Variants in CCDC102B observed in about 807,000 individuals in gnomAD.
CCDC102B encodes coiled-coil domain-containing protein 102B.
CCDC102B carries 75 observed loss-of-function variants against 57.4 expected under a neutral mutation model. The observed-to-expected ratio is 1.31, with a 90% CI of 1.08 to 1.58. CCDC102B has a LOEUF of 1.58. CCDC102B is among the 40% of genes most tolerant of loss of function. CCDC102B has a pLI of 0.00. For missense variants in CCDC102B, 636 were observed against 582.6 expected, an observed-to-expected ratio of 1.09 and a Z score of -0.94; for synonymous variants, 206 against 201.9, an observed-to-expected ratio of 1.02 and a Z score of -0.17.
intron 6 of CCDC102B, among the ~76,000 whole-genome samples, chr18:69,007,266 G>A (rs774286800): frequency 5.9e-5 from 9 of 152,128 alleles, no homozygotes; most frequent in Non-Finnish European, 5.9e-5. Flanking sequence ...GTTAAGCTAT[G>A]AGTTTGGCTC....
intron 5 of CCDC102B, among the ~76,000 whole-genome samples, chr18:68,875,495 T>C (rs2144934527): frequency 6.6e-6 from 1 of 152,248 alleles, no homozygotes; most frequent in South Asian, 2.1e-4. Flanking sequence ...GTAAGAGCAA[T>C]TTACAGACTG....
At chr18:68,910,118 C>T (rs1022287343) in intron 6 of CCDC102B, among the ~76,000 whole-genome samples, 4 of 152,112 alleles carry the variant, frequency 2.6e-5, no homozygotes, top group African/African-American at 9.7e-5. Flanking sequence ...CACGGTGAAA[C>T]ACCGTGTCTA....
chr18:68,724,556 C>T (rs781099498), intron 2 of CCDC102B, among the ~76,000 whole-genome samples: 3 of 152,196 alleles, frequency 2.0e-5, no homozygotes, highest in African/African-American at 4.8e-5. Context: ...CTGCCAGTCT[C>T]TTTGCTAAAA....
chr18:68,844,221 T>G (rs1487537341), intron 3 of CCDC102B, among the ~76,000 whole-genome samples: 1 of 151,924 alleles, frequency 6.6e-6, no homozygotes, highest in Non-Finnish European at 1.5e-5. Flanking sequence ...AAGTATAATA[T>G]CAAAAGCAGA....
At chr18:69,046,621 G>A (rs751467134) in intron 7 of CCDC102B, among the ~76,000 whole-genome samples, 14 of 152,008 alleles carry the variant, frequency 9.2e-5, no homozygotes, top group Non-Finnish European at 2.1e-4. Context: ...GTCAATTTTT[G>A]CTTTTGTTGT....
At chr18:68,996,969 T>C (rs1599818668) in intron 6 of CCDC102B, among the ~76,000 whole-genome samples, 1 of 152,128 alleles carries the variant, frequency 6.6e-6, no homozygotes, top group Non-Finnish European at 1.5e-5. Context: ...ATGGAGCTAA[T>C]TGAATTATGG....
chr18:68,904,629 A>G (rs1332366513), intron 6 of CCDC102B, among the ~76,000 whole-genome samples: 1 of 152,172 alleles, frequency 6.6e-6, no homozygotes, highest in Non-Finnish European at 1.5e-5. Flanking sequence ...ATAAATTGCA[A>G]AAGTAGTATG....
intron 6 of CCDC102B, among the ~76,000 whole-genome samples, chr18:68,973,946 G>T (rs953625588): frequency 6.6e-6 from 1 of 151,912 alleles, no homozygotes; most frequent in Non-Finnish European, 1.5e-5. Context: ...GCATCTTAGC[G>T]GCTGCAACAT....
chr18:68,752,859 C>G (rs1394104431), intron 2 of CCDC102B, among the ~76,000 whole-genome samples: 2 of 152,038 alleles, frequency 1.3e-5, no homozygotes, highest in Non-Finnish European at 2.9e-5. Context: ...ATTACTCAAC[C>G]TTCTTGATAA....
At chr18:68,836,686 G>T (rs530416514) in intron 1 of CCDC102B, 63 bp from the exon 2 acceptor site, 3 of 1,035,532 alleles carry the variant, frequency 2.9e-6, no homozygotes, top group African/African-American at 3.4e-5. Context: ...AAAAGTGTAG[G>T]TCTTGTTCCT....
At chr18:68,770,789 T>C (rs1313198887) in intron 2 of CCDC102B, among the ~76,000 whole-genome samples, 1 of 152,240 alleles carries the variant, frequency 6.6e-6, no homozygotes, top group Non-Finnish European at 1.5e-5. Context: ...CTCAAAGTTG[T>C]AATATATCTT....
At chr18:68,988,747 T>C (rs889214846) in intron 6 of CCDC102B, among the ~76,000 whole-genome samples, 1 of 152,180 alleles carries the variant, frequency 6.6e-6, no homozygotes, top group African/African-American at 2.4e-5. Flanking sequence ...GCAGTATTGG[T>C]GTGCAAGAAA....
At chr18:68,975,851 A>T (rs1367920905) in intron 6 of CCDC102B, among the ~76,000 whole-genome samples, 2 of 139,542 alleles carry the variant, frequency 1.4e-5, no homozygotes, top group Non-Finnish European at 1.6e-5. Flanking sequence ...ACTTTCATTT[A>T]AAAAAAAAAA....
intron 5 of CCDC102B, among the ~76,000 whole-genome samples, chr18:68,888,676 A>G (rs370606437): frequency 1.3e-5 from 2 of 152,310 alleles, no homozygotes; most frequent in East Asian, 1.9e-4. Flanking sequence ...TCAGGTTAAC[A>G]TATTTTTAGT....
chr18:68,862,517 T>A (rs1376978558), intron 4 of CCDC102B, among the ~76,000 whole-genome samples: 2 of 152,124 alleles, frequency 1.3e-5, no homozygotes, highest in Non-Finnish European at 2.9e-5. Context: ...GTAGTTCAAC[T>A]CTTACATGAA....
chr18:68,743,648 T>G (rs779171512), intron 2 of CCDC102B, among the ~76,000 whole-genome samples: 82 of 152,272 alleles, frequency 5.4e-4, no homozygotes, highest in Middle Eastern at 6.8e-3. Context: ...AGGAGAATGC[T>G]CTATGGAGTC....
At chr18:69,047,196 A>G (rs1169749054) in intron 7 of CCDC102B, among the ~76,000 whole-genome samples, 1 of 152,154 alleles carries the variant, frequency 6.6e-6, no homozygotes, top group Non-Finnish European at 1.5e-5. Context: ...CCATCGCATC[A>G]AAAAGCTAAT....
At chr18:68,762,391 G>C (rs1446552303) in intron 2 of CCDC102B, among the ~76,000 whole-genome samples, 2 of 151,716 alleles carry the variant, frequency 1.3e-5, no homozygotes, top group African/African-American at 4.8e-5. Flanking sequence ...TTTTGTTGTT[G>C]TTTGTTTTTT....
chr18:68,955,749 G>A (rs1202236977), intron 6 of CCDC102B, among the ~76,000 whole-genome samples: 1 of 151,636 alleles, frequency 6.6e-6, no homozygotes, highest in Non-Finnish European at 1.5e-5. Flanking sequence ...ATTATCTAGT[G>A]GTCAAAGTTT....
Sources: allele counts gnomAD v4.1 joint callset (sites outside exome capture counted in the v4.1 genomes callset), GRCh38; gene constraint gnomAD v4.1.1; transcripts MANE v1.5; gene names NCBI Gene and HGNC (gene_info 2026-07-23, HGNC 2026-07-21).